The following DPP7 variants were observed in gnomAD, a reference collection of about 807,000 sequenced individuals.
DPP7 encodes dipeptidyl peptidase 2.
Under a neutral mutation model 58.8 loss-of-function variants are expected in DPP7, and 74 were observed. The observed-to-expected ratio is 1.26, with a 90% confidence interval of 1.04 to 1.53. The LOEUF is 1.53. DPP7 is among the 40% of genes most tolerant of loss of function. The pLI, the probability that DPP7 is intolerant of heterozygous loss-of-function variation, is 0.00. For synonymous variants in DPP7, 350 were observed against 303.6 expected (o/e 1.15, Z -1.59); for missense variants, 807 against 692.3 (o/e 1.17, Z -1.86).
At chr9:137,116,089 C>A (rs375516409), upstream of DPP7, among the ~76,000 whole-genome samples, 225 of 152,300 alleles carry the variant, frequency 1.5e-3, no homozygotes, top group African/African-American at 4.5e-3. Context: ...TGGAGACGCT[C>A]CAGGCTTGGC....
Position 137,110,625 on chromosome 9 carries a change from T to C in DPP7, c.*23A>G. ...TGAAGCCCCCACTCCATGAGGAGCC[T>C]TGAGACCCCTCCAGTCCTGTGCTCA... On this transcript the variant is annotated 3_prime_UTR_variant, in exon 13 of 13. Transcript: ENST00000371579. 6.2e-7 allele frequency: 1 copy of C among 1,605,120 alleles called. No individual in the cohort carries two copies. The highest frequency in any genetic ancestry group is 8.5e-7 in the Non-Finnish European group (1 of 1,176,884).
chr9:137,116,415 A>G (rs144254244), upstream of DPP7, among the ~76,000 whole-genome samples: 21 of 152,362 alleles, frequency 1.4e-4, no homozygotes, highest in East Asian at 5.8e-4. Context: ...CATGTGCTGT[A>G]TTGACTCAAG....
chr9:137,114,200 C>T (rs1395006044), intron 3 of DPP7, 43 bp downstream of exon 3: 1 of 950,636 alleles, frequency 1.1e-6, no homozygotes, highest in East Asian at 3.9e-5. Flanking sequence ...GCCCGGCACC[C>T]ACGTGCCCCG....
Position 137,112,744 on chromosome 9 carries a change from C to T in DPP7, c.931+1G>A. 2.5e-6 allele frequency: 4 copies of T among 1,602,030 alleles called. No individual in the cohort carries two copies. The highest frequency in any genetic ancestry group is 1.1e-5 in the South Asian group (1 of 89,472). On this transcript the variant is annotated splice_donor_variant, in intron 8 of 12. Transcript: ENST00000371579. LOFTEE classifies it high-confidence loss of function. ...CCCATCTGGGGCCGGGGGAAGGGCA[C>T]CTGCCAGTGCTCGCAGCCCCGTGAT... is the stretch of plus-strand genomic sequence containing the variant.
chr9:137,116,536 A>C (rs1397248304), upstream of DPP7, among the ~76,000 whole-genome samples: 6 of 152,272 alleles, frequency 3.9e-5, no homozygotes, highest in Non-Finnish European at 8.8e-5. Flanking sequence ...CCAGGGACAC[A>C]GTGCACTGCG....
Position 137,112,100 on chromosome 9 carries a change from A to C in DPP7, c.1050+12T>G, listed in dbSNP as rs747369361. On this transcript the variant is annotated intron_variant, in intron 9 of 12. Coordinates refer to ENST00000371579, the MANE Select transcript of DPP7 (RefSeq NM_013379.3). ...GCCCCCGAGTGGTTCCAGGCCACCCACACCCCCACACCTGGTAGTCCCAGG... is the reference window on the plus strand; with the variant it reads ...GCCCCCGAGTGGTTCCAGGCCACCCCCACCCCCACACCTGGTAGTCCCAGG... 3.1e-6 allele frequency: 5 copies of C among 1,611,628 alleles called. No individual in the cohort carries two copies. In the Admixed American group the frequency reaches 8.3e-5, roughly 27 times the overall value.
In DPP7 at chr9:137,114,393, G is replaced by A; in HGVS notation, c.182-11C>T. The stretch of plus-strand genomic sequence containing the variant: ...GGACCCAGAACCTGTCTGTGGGGAG[G>A]GCGGATGAGGCGAGGGTGCCGGGGG... On this transcript the variant is annotated splice_polypyrimidine_tract_variant and intron_variant, in intron 2 of 12. Transcript: ENST00000371579. The A allele has an allele frequency of 6.3e-7, 1 of 1,592,876 alleles. No individual in the cohort carries two copies. Among genetic ancestry groups the A allele is most frequent in the Non-Finnish European group, 8.5e-7 (1 of 1,170,856 alleles).
chr9:137,114,324 G>C lies in DPP7; in HGVS notation c.240C>G (p.Asp80Glu). The C allele has an allele frequency of 6.2e-7, 1 of 1,605,890 alleles. No individual in the cohort carries two copies. Among genetic ancestry groups the C allele is most frequent in the South Asian group, 1.1e-5 (1 of 90,426 alleles). ...PIFFYTGNEGDVWAFANNSAF... is the reference protein window; with the variant it reads ...PIFFYTGNEGEVWAFANNSAF... ...CCGAGTTGTTGGCGAAGGCCCACAC[G>C]TCGCCCTCGTTCCCAGTGTAGAAGA... is the stretch of plus-strand genomic sequence containing the variant. The change falls in exon 3 of 13, where the codon GAC becomes GAG. Residue 80 changes from aspartate to glutamate, a missense_variant. By Grantham distance (45) the Asp-to-Glu change is conservative. Transcript: ENST00000371579.
At chr9:137,112,392 G>A (rs973633381) in intron 8 of DPP7, 162 bp from the exon 9 acceptor site, 20 of 660,968 alleles carry the variant, frequency 3.0e-5, no homozygotes, top group Admixed American at 2.1e-4. Flanking sequence ...CTTGGAGGTC[G>A]GCGGTGTCTG....
chr9:137,113,357 T>G lies in DPP7; in HGVS notation c.621+4A>C, dbSNP rs1283692714. On this transcript the variant is annotated splice_donor_region_variant and intron_variant, in intron 5 of 12. Coordinates refer to ENST00000371579, the MANE Select transcript of DPP7 (RefSeq NM_013379.3). ...GGGCCTGGAGGACCCCAAGCCTCAC[T>G]CACCGCCGTGACGTCCCGGAAGAAC... is the stretch of plus-strand genomic sequence containing the variant. The G allele has an allele frequency of 6.2e-7, 1 of 1,611,526 alleles. No homozygotes were observed. Among genetic ancestry groups the G allele is most frequent in the East Asian group, 2.2e-5 (1 of 44,822 alleles).
In DPP7 at chr9:137,114,323, C is replaced by A. The variant is rs752367888; in HGVS notation, c.241G>T (p.Val81Leu). The change falls in exon 3 of 13, where the codon GTG (valine) becomes TTG (leucine). Residue 81 changes from valine (V) to leucine (L), a missense_variant. Physicochemically the swap from Val to Leu is conservative, Grantham distance 32. This residue lies in a region of DPP7 where 168 missense variants were observed against 124.1 expected (regional missense o/e 1.35). Coordinates refer to ENST00000371579, the MANE Select transcript of DPP7 (RefSeq NM_013379.3). Reference protein sequence around the residue: ...IFFYTGNEGDVWAFANNSAFV... With the variant: ...IFFYTGNEGDLWAFANNSAFV... ...GCCGAGTTGTTGGCGAAGGCCCACA[C>A]GTCGCCCTCGTTCCCAGTGTAGAAG... The A allele has an allele frequency of 6.2e-7, 1 of 1,606,094 alleles. No homozygotes were observed. The highest frequency in any genetic ancestry group is 1.3e-5 in the African/African-American group (1 of 74,244).
At chr9:137,116,689 G>A (rs1831649165), upstream of DPP7, among the ~76,000 whole-genome samples, 1 of 152,236 alleles carries the variant, frequency 6.6e-6, no homozygotes, top group Non-Finnish European at 1.5e-5. Flanking sequence ...CTGTGCTGAG[G>A]AGGATTAGTG....
chr9:137,117,712 C>T (rs929570352), upstream of DPP7, among the ~76,000 whole-genome samples: 1 of 152,212 alleles, frequency 6.6e-6, no homozygotes, highest in African/African-American at 2.4e-5. Flanking sequence ...CTACTGCATC[C>T]GCACTTGGGG....
upstream of DPP7, among the ~76,000 whole-genome samples, chr9:137,115,566 A>T (rs1831610776): frequency 6.6e-6 from 1 of 152,074 alleles, no homozygotes; most frequent in Non-Finnish European, 1.5e-5. Context: ...AGCTACAGAG[A>T]GTTACCCTGT....
chr9:137,113,213 T>A lies in DPP7; in HGVS notation c.696A>T (p.Leu232=). The A allele has an allele frequency of 6.2e-7, 1 of 1,613,712 alleles. No homozygotes were observed. The highest frequency in any genetic ancestry group is 1.3e-5 in the African/African-American group (1 of 75,006). The change falls in exon 6 of 13, where the codon CTA becomes CTT. Residue 232 remains leucine, a synonymous_variant. Coordinates refer to ENST00000371579, the MANE Select transcript of DPP7 (RefSeq NM_013379.3). ...EAFRQIKDLF[L]QGAYDTVRWE... ...GCGGTGGGAGGACCTCACCTCCCTG[T>A]AGGAACAAGTCCTTGATCTGTCGGA... is the stretch of plus-strand genomic sequence containing the variant.
rs373757955 is a variant in DPP7, at chr9:137,112,045, C to A, written c.1051-16G>T. ...CGGTGCAGGCCTGCAGGTGCCCCAG[C>A]CTGAGTCAGGCCAGCCCACGCCCAC... On this transcript the variant is annotated splice_polypyrimidine_tract_variant and intron_variant, in intron 9 of 12. Coordinates refer to ENST00000371579, the MANE Select transcript of DPP7 (RefSeq NM_013379.3). 2.0e-5 allele frequency: 33 copies of A among 1,613,084 alleles called. No homozygotes were observed. Among genetic ancestry groups the A allele is most frequent in the Non-Finnish European group, 2.7e-5 (32 of 1,179,690 alleles).
chr9:137,112,857 C>T, intron 7 of DPP7, 52 bp from the exon 8 acceptor site: 1 of 1,601,726 alleles, frequency 6.2e-7, no homozygotes, highest in Admixed American at 1.7e-5. Flanking sequence ...ACCAGCTCCG[C>T]CTCCCTGGCT....
In DPP7 at chr9:137,114,705, G is replaced by A. The variant is rs557666825; in HGVS notation, c.9C>T (p.Ser3=). 3 of 1,303,948 alleles carry A rather than the reference G, an allele frequency of 2.3e-6. No individual in the cohort carries two copies. The highest frequency in any genetic ancestry group is 2.9e-6 in the Non-Finnish European group (3 of 1,028,448). The allele number at this position is 1,303,948 out of a possible 1,614,324, so 80.8% of individuals were successfully genotyped here. A position where few individuals can be genotyped will look rare whatever the true frequency, so the allele number is the denominator to read the frequency against. The change falls in exon 1 of 13, where the codon TCC becomes TCT. Residue 3 remains serine, a synonymous_variant. Coordinates refer to ENST00000371579, the MANE Select transcript of DPP7 (RefSeq NM_013379.3). Reference sequence around the variant, plus strand: ...GCAGCAGGACCGGGGCCCAGGGAGCGGAGCCCATGTCGCCTTCCGCGGGCG... The same window carrying A: ...GCAGCAGGACCGGGGCCCAGGGAGCAGAGCCCATGTCGCCTTCCGCGGGCG... MG[S]APWAPVLLLA... is the part of the protein sequence containing the mutation.
upstream of DPP7, chr9:137,114,769 G>T: frequency 8.2e-7 from 1 of 1,218,126 alleles, no homozygotes; most frequent in Non-Finnish European, 1.0e-6. Context: ...GCCAGGGCGC[G>T]CTCCTCCCTC....
Sources: allele counts gnomAD v4.1 joint callset (sites outside exome capture counted in the v4.1 genomes callset), GRCh38; gene constraint gnomAD v4.1.1; regional missense constraint gnomAD v4.1.1; transcripts MANE v1.5; gene names NCBI Gene and HGNC (gene_info 2026-07-23, HGNC 2026-07-21).